RBM7: variants seen among roughly 807,000 people sequenced by gnomAD.
RBM7 encodes the protein RNA binding motif protein 7, also known as RNA-binding protein 7.
Under a neutral mutation model 31.0 loss-of-function variants are expected in RBM7, and 13 were observed. The observed-to-expected ratio is 0.42, with a 90% CI of 0.27 to 0.67. The LOEUF (loss-of-function observed/expected upper bound fraction) is 0.67. Ranked by LOEUF, RBM7 falls within the 30% of genes least tolerant of loss-of-function variation. The pLI is 0.24. For synonymous variants in RBM7, 106 were observed against 111.2 expected (o/e 0.95, Z 0.30); for missense variants, 245 against 326.2 (o/e 0.75, Z 1.92).
At chr11:114,401,973 A>G (rs1256066635) in intron 2 of RBM7, 113 bp downstream of exon 2, 3 of 1,131,990 alleles carry the variant, frequency 2.7e-6, no homozygotes, top group African/African-American at 3.3e-5. Flanking sequence ...AGCATTGTGA[A>G]TAGTAAACTT....
In RBM7 at chr11:114,400,710, T is replaced by C; in HGVS notation, c.39T>C (p.Phe13=). The C allele has an allele frequency of 6.2e-7, 1 of 1,614,206 alleles. No individual in the cohort carries two copies. The highest frequency in any genetic ancestry group is 8.5e-7 in the Non-Finnish European group (1 of 1,180,026). ...AAAAEADRTL[F]VGNLETKVTE... ...CGGCGGAAGCGGATCGCACTCTCTT[T>C]GTGGGCAACCTTGAAACGAAAGTGA... is the stretch of plus-strand genomic sequence containing the variant. The change falls in exon 1 of 5, where the codon TTT becomes TTC. Residue 13 remains phenylalanine (F), a synonymous_variant. Coordinates refer to ENST00000375490, the MANE Select transcript of RBM7 (RefSeq NM_001286045.2).
At chr11:114,402,973 C>T in intron 3 of RBM7, 58 bp downstream of exon 3, 1 of 1,333,576 alleles carries the variant, frequency 7.5e-7, no homozygotes, top group East Asian at 2.3e-5. Context: ...AGGGAATAGC[C>T]TCAAAACACA....
chr11:114,402,624 C>T (rs771770676), intron 2 of RBM7, among the ~76,000 whole-genome samples: 19 of 151,800 alleles, frequency 1.3e-4, no homozygotes, highest in Non-Finnish European at 2.8e-4. Context: ...AGGCTGGTCT[C>T]GAACTCCTGG....
intron 2 of RBM7, 100 bp from the exon 3 acceptor site, chr11:114,402,728 T>C: frequency 2.9e-6 from 3 of 1,044,270 alleles, no homozygotes; most frequent in Non-Finnish European, 4.4e-6. Context: ...TTTTCTCTTT[T>C]AGATTGTGTT....
intron 4 of RBM7, 128 bp from the exon 5 acceptor site, chr11:114,407,317 A>C: frequency 1.2e-6 from 1 of 853,554 alleles, no homozygotes; most frequent in East Asian, 2.5e-5. Flanking sequence ...AAGCTATTGT[A>C]CTGCTTTAGT....
chr11:114,404,996 C>G (rs553509662), intron 3 of RBM7, among the ~76,000 whole-genome samples: 34 of 152,232 alleles, frequency 2.2e-4, no homozygotes, highest in African/African-American at 7.9e-4. Flanking sequence ...TGTTACAGAA[C>G]TCTTAATTCC....
Position 114,401,870 on chromosome 11 carries a change from C to A in RBM7, c.259+10C>A, listed in dbSNP as rs1946206557. On this transcript the variant is annotated intron_variant, in intron 2 of 4. Transcript: ENST00000375490. ...ATTCAATTTAGATCAGGTAACTGCC[C>A]AATGAGGTTCGGGGGGCATTGTTTC... is the stretch of plus-strand genomic sequence containing the variant. 1.3e-6 allele frequency: 2 copies of A among 1,580,494 alleles called. No homozygotes were observed. The highest frequency in any genetic ancestry group is 1.7e-6 in the Non-Finnish European group (2 of 1,167,860).
chr11:114,402,695 G>A (rs536779023), intron 2 of RBM7, 133 bp from the exon 3 acceptor site: 13 of 742,974 alleles, frequency 1.7e-5, no homozygotes, highest in South Asian at 8.6e-5. Context: ...GTCAGCCACC[G>A]CGCCCGGCCA....
chr11:114,400,719 C>T lies in RBM7; in HGVS notation c.48C>T (p.Asn16=), dbSNP rs1946186451. 6.2e-7 allele frequency: 1 copy of T among 1,614,078 alleles called. No homozygotes were observed. Among genetic ancestry groups the T allele is most frequent in the East Asian group, 2.2e-5 (1 of 44,884 alleles). The part of the protein sequence containing the change: ...AEADRTLFVG[N]LETKVTEELL... ...CGGATCGCACTCTCTTTGTGGGCAA[C>T]CTTGAAACGAAAGTGACCGAGGAGC... Residue 16 remains asparagine, a synonymous_variant, in exon 1 of 5, where the codon AAC becomes AAT. Transcript: ENST00000375490.
intron 4 of RBM7, chr11:114,406,758 G>T (rs1328188828): frequency 6.6e-6 from 1 of 152,250 alleles, no homozygotes; most frequent in Non-Finnish European, 1.5e-5. Flanking sequence ...AAGGCCGGGT[G>T]CGGTGGCTAA....
rs1472960148 is a variant in RBM7 at position 114,409,146 on chromosome 11, A to T, written c.*1339A>T. 2 of 152,114 alleles carry T rather than the reference A, an allele frequency of 1.3e-5. No homozygotes were observed. The highest frequency in any genetic ancestry group is 2.9e-5 in the Non-Finnish European group (2 of 68,020). The allele number at this position is 152,114 out of a possible 1,614,324, so 9.4% of individuals were successfully genotyped here. On this transcript the variant is annotated 3_prime_UTR_variant, in exon 5 of 5. Coordinates refer to ENST00000375490, the MANE Select transcript of RBM7 (RefSeq NM_001286045.2). Reference sequence around the variant, plus strand: ...TTAGTTACCCTCAGTGGTCTCTAGGAGTTAAAGTACACTTAGATTTCCTGT... The same window carrying T: ...TTAGTTACCCTCAGTGGTCTCTAGGTGTTAAAGTACACTTAGATTTCCTGT...
intron 3 of RBM7, among the ~76,000 whole-genome samples, chr11:114,405,151 G>A (rs1946250527): frequency 6.6e-6 from 1 of 152,058 alleles, no homozygotes; most frequent in Admixed American, 6.6e-5. Context: ...TTTCAATCTA[G>A]GTCTTTGCAT....
At chr11:114,405,526 C>T (rs563740896) in intron 3 of RBM7, among the ~76,000 whole-genome samples, 180 bp from the exon 4 acceptor site, 13 of 152,256 alleles carry the variant, frequency 8.5e-5, no homozygotes, top group South Asian at 2.1e-4. Context: ...TTTAATCATA[C>T]GTTTTATCAC....
chr11:114,400,916 C>T, intron 1 of RBM7, 149 bp downstream of exon 1: 2 of 777,678 alleles, frequency 2.6e-6, no homozygotes, highest in Admixed American at 2.9e-5. Context: ...GCGAAACGCT[C>T]GCTGGGTGTC....
chr11:114,407,764 G>A lies in RBM7; in HGVS notation c.761G>A (p.Arg254Lys). 1 of 1,613,084 alleles carries A rather than the reference G, an allele frequency of 6.2e-7. No individual in the cohort carries two copies. The highest frequency in any genetic ancestry group is 8.5e-7 in the Non-Finnish European group (1 of 1,179,960). The change falls in exon 5 of 5, where the codon AGA (arginine) becomes AAA (lysine). Residue 254 changes from arginine (R) to lysine (K), a missense_variant. Coordinates refer to ENST00000375490, the MANE Select transcript of RBM7 (RefSeq NM_001286045.2). ...TGGAGCCATGACTATGATAACAGAA[G>A]AGACAGTAGTAGAGATGGAAAATGG... ...DDWSHDYDNR[R>K]DSSRDGKWRS...
intron 1 of RBM7, among the ~76,000 whole-genome samples, chr11:114,400,976 G>A (rs1029236211): frequency 6.6e-6 from 1 of 152,118 alleles, no homozygotes; most frequent in Non-Finnish European, 1.5e-5. Flanking sequence ...ACGACTAAAG[G>A]TGGTGGAGGG....
In RBM7 at chr11:114,402,901, C is replaced by T. The variant is rs373681592; in HGVS notation, c.333C>T (p.Ser111=). Residue 111 remains serine, a synonymous_variant, in exon 3 of 5, where the codon TCC becomes TCT. Coordinates refer to ENST00000375490, the MANE Select transcript of RBM7 (RefSeq NM_001286045.2). ...ATGTTGGAAATTCAAGCCCTACCTC[C>T]ACATCTCCTAGCAGGTAATATTTCT... is the stretch of plus-strand genomic sequence containing the variant. ...QHHVGNSSPT[S]TSPSSRYERT... 3.1e-6 allele frequency: 5 copies of T among 1,608,214 alleles called. No homozygotes were observed. The highest frequency in any genetic ancestry group is 1.6e-4 in the Middle Eastern group (1 of 6,062).
At position 114,400,787 on chromosome 11, in the gene RBM7, C is replaced by T. The variant is rs1254378573; in HGVS notation, c.96+20C>T. On this transcript the variant is annotated intron_variant, in intron 1 of 4. Coordinates refer to ENST00000375490, the MANE Select transcript of RBM7 (RefSeq NM_001286045.2). ...CACCAGGTAAGCGGCTGGGTTCGGC[C>T]CTTTGCCTTTCGTTTTCCGTCTCGC... 1.2e-6 allele frequency: 2 copies of T among 1,613,806 alleles called. No individual in the cohort carries two copies. The highest frequency in any genetic ancestry group is 2.7e-5 in the African/African-American group (2 of 74,906).
rs1476282725 is a variant in RBM7, at chr11:114,408,304, T to C, written c.*497T>C. 1 of 153,166 alleles carries C rather than the reference T, an allele frequency of 6.5e-6. No individual in the cohort carries two copies. Among genetic ancestry groups the C allele is most frequent in the African/African-American group, 2.4e-5 (1 of 41,466 alleles). The allele number at this position is 153,166 out of a possible 1,614,324, so 9.5% of individuals were successfully genotyped here. A position where few individuals can be genotyped will look rare whatever the true frequency, so the allele number is the denominator to read the frequency against. On this transcript the variant is annotated 3_prime_UTR_variant, in exon 5 of 5. Coordinates refer to ENST00000375490, the MANE Select transcript of RBM7 (RefSeq NM_001286045.2). ...GATAAAGGCATTGCTTAACTTCTTA[T>C]ATAATTTAGGTATAAATTCTGTGAC...
Sources: gnomAD v4.1 joint callset for allele counts (sites outside exome capture counted in the v4.1 genomes callset) on GRCh38, gnomAD v4.1.1 for gene constraint, MANE v1.5 for transcripts, NCBI Gene and HGNC (gene_info 2026-07-23, HGNC 2026-07-21) for gene names.